Variants in TMEM132C observed in about 807,000 individuals in gnomAD.
TMEM132C encodes the protein protein phosphatase 1, regulatory subunit 152.
A neutral mutation model predicts 61.4 loss-of-function variants in TMEM132C; 29 were observed. The ratio of observed to expected loss-of-function variants is 0.47; its 90% confidence interval spans 0.35 to 0.64. TMEM132C has a LOEUF of 0.64. TMEM132C is among the 30% of genes least tolerant of loss of function. The pLI, the probability that TMEM132C is intolerant of heterozygous loss-of-function variation, is 0.00. For missense variants in TMEM132C, 1,408 were observed against 1,476.9 expected (o/e 0.95, Z 0.76); for synonymous variants, 656 against 633.1 (o/e 1.04, Z -0.54).
At chr12:128,559,327 T>G (rs113931689) in intron 3 of TMEM132C, among the ~76,000 whole-genome samples, 1,671 of 152,298 alleles carry the variant, frequency 0.011, 24 homozygotes, top group African/African-American at 0.033. Flanking sequence ...ATAGTGTAAA[T>G]TATATAAACC....
intron 2 of TMEM132C, among the ~76,000 whole-genome samples, chr12:128,498,738 A>G (rs1872056024): frequency 6.6e-6 from 1 of 152,300 alleles, no homozygotes; most frequent in South Asian, 2.1e-4. Flanking sequence ...TGCTCATCTG[A>G]AAATGAAATT....
chr12:128,439,974 T>C (rs568480519), intron 2 of TMEM132C, among the ~76,000 whole-genome samples: 1 of 152,346 alleles, frequency 6.6e-6, no homozygotes, highest in East Asian at 1.9e-4. Flanking sequence ...GGCTGCTTCA[T>C]AGGGTATGTT....
chr12:128,469,738 TTA>T (rs1388610501), intron 2 of TMEM132C, among the ~76,000 whole-genome samples: 3 of 151,634 alleles, frequency 2.0e-5, no homozygotes, highest in African/African-American at 7.3e-5. Flanking sequence ...ATATATGCAT[TTA>T]TGTGTGTGTA....
chr12:128,693,838 C>G lies in TMEM132C; in HGVS notation c.1459C>G (p.Arg487Gly), dbSNP rs1409919791. 3.2e-6 allele frequency: 5 copies of G among 1,551,618 alleles called. No individual in the cohort carries two copies. Among genetic ancestry groups the G allele is most frequent in the Non-Finnish European group, 4.4e-6 (5 of 1,147,002 alleles). ...TDEDVIKVSE[R>G]CDYIFVNGKE... is the part of the protein sequence containing the mutation. ...CCCTCTGTCTTTGCAGGTGTCTGAG[C>G]GCTGTGACTACATCTTTGTCAATGG... Residue 487 changes from arginine to glycine, a missense_variant, in exon 6 of 9, where the codon CGC becomes GGC. Coordinates refer to ENST00000435159, the MANE Select transcript of TMEM132C (RefSeq NM_001136103.3).
At chr12:128,361,275 A>T (rs1015566659) in intron 1 of TMEM132C, among the ~76,000 whole-genome samples, 1 of 152,192 alleles carries the variant, frequency 6.6e-6, no homozygotes, top group Non-Finnish European at 1.5e-5. Context: ...GGTGGATGCA[A>T]CTGAAATTCT....
chr12:128,475,197 C>T (rs531355560), intron 2 of TMEM132C, among the ~76,000 whole-genome samples: 26 of 152,238 alleles, frequency 1.7e-4, no homozygotes, highest in Admixed American at 9.2e-4. Context: ...GGTAAGACCC[C>T]GCCCCCAACT....
chr12:128,562,479 C>T (rs1456511825), intron 3 of TMEM132C, among the ~76,000 whole-genome samples: 1 of 152,176 alleles, frequency 6.6e-6, no homozygotes, highest in East Asian at 1.9e-4. Context: ...TTATTCCCTG[C>T]TTGTTCCATC....
At chr12:128,305,776 A>G (rs537462695) in intron 1 of TMEM132C, among the ~76,000 whole-genome samples, 3 of 152,160 alleles carry the variant, frequency 2.0e-5, no homozygotes, top group Admixed American at 6.5e-5. Flanking sequence ...ATGGAACACT[A>G]GCTTTATCTG....
intron 3 of TMEM132C, among the ~76,000 whole-genome samples, chr12:128,576,810 G>A (rs941275841): frequency 3.3e-5 from 5 of 152,218 alleles, no homozygotes; most frequent in African/African-American, 1.2e-4. Context: ...TGACGATGAT[G>A]ATGATGTTGG....
Position 128,604,986 on chromosome 12 carries a change from G to A in TMEM132C, c.1122-11166G>A, listed in dbSNP as rs1378386498. Among the ~76,000 whole-genome samples, 7 of 2,474 alleles carry A rather than the reference G, an allele frequency of 2.8e-3. No homozygotes were observed. In the East Asian group the frequency reaches 0.032, roughly 11 times the overall value. The allele number at this position is 2,474 out of a possible 152,430, so 1.6% of individuals were successfully genotyped here. ...ATAATAGATGGGTAGATGGATGGACGGATGGATAGATAAATGGACACATAG... is the reference window on the plus strand; with the variant it reads ...ATAATAGATGGGTAGATGGATGGACAGATGGATAGATAAATGGACACATAG... On this transcript the variant is annotated intron_variant, in intron 3 of 8. Transcript: ENST00000435159.
At chr12:128,542,225 A>T (rs1334025017) in intron 2 of TMEM132C, among the ~76,000 whole-genome samples, 1 of 151,328 alleles carries the variant, frequency 6.6e-6, no homozygotes, top group Admixed American at 6.6e-5. Flanking sequence ...TATCCACTGA[A>T]CTCCCAGTTT....
Position 128,670,712 on chromosome 12 carries a change from A to G in TMEM132C, c.1449+1152A>G, listed in dbSNP as rs146003501. ...TCAGTGGTGCTTTGGACTATGGGTCAAACTCTGAATGCCTACTGTAGCTAA... is the reference window on the plus strand; with the variant it reads ...TCAGTGGTGCTTTGGACTATGGGTCGAACTCTGAATGCCTACTGTAGCTAA... On this transcript the variant is annotated intron_variant, in intron 5 of 8. Transcript: ENST00000435159. 2.8e-3 allele frequency among the ~76,000 whole-genome samples: 423 copies of G among 152,338 alleles called. 3 individuals carry two copies. Among genetic ancestry groups the G allele is most frequent in the African/African-American group, 9.7e-3 (403 of 41,570 alleles).
chr12:128,469,227 G>T (rs1292625382), intron 2 of TMEM132C, among the ~76,000 whole-genome samples: 2 of 152,112 alleles, frequency 1.3e-5, no homozygotes, highest in South Asian at 2.1e-4. Context: ...AGCATTTAAA[G>T]CAGGGTTTCT....
At chr12:128,418,546 C>T (rs983508018) in intron 2 of TMEM132C, among the ~76,000 whole-genome samples, 7 of 152,116 alleles carry the variant, frequency 4.6e-5, no homozygotes, top group South Asian at 2.1e-4. Flanking sequence ...AACAAATTAA[C>T]GTTTTATGTT....
intron 2 of TMEM132C, among the ~76,000 whole-genome samples, chr12:128,463,114 A>G (rs778045973): frequency 6.6e-6 from 1 of 152,152 alleles, no homozygotes; most frequent in African/African-American, 2.4e-5. Flanking sequence ...CAGAAAAGCA[A>G]AAGCTAGCCT....
At chr12:128,560,987 C>T (rs1044166783) in intron 3 of TMEM132C, among the ~76,000 whole-genome samples, 7 of 152,190 alleles carry the variant, frequency 4.6e-5, no homozygotes, top group South Asian at 2.1e-4. Flanking sequence ...GAAAGAAGGG[C>T]GCCCTAGGAG....
chr12:128,607,547 G>C (rs768523730), intron 3 of TMEM132C, among the ~76,000 whole-genome samples: 1 of 152,286 alleles, frequency 6.6e-6, no homozygotes, highest in East Asian at 1.9e-4. Flanking sequence ...TGGTTGCTTG[G>C]GCTGGAGCAG....
chr12:128,575,745 T>G (rs1463083699), intron 3 of TMEM132C, among the ~76,000 whole-genome samples: 1 of 152,202 alleles, frequency 6.6e-6, no homozygotes, highest in Non-Finnish European at 1.5e-5. Flanking sequence ...TTAAAAGTTA[T>G]GGAATTGTAA....
chr12:128,430,674 C>T (rs926535962), intron 2 of TMEM132C, among the ~76,000 whole-genome samples: 16 of 152,138 alleles, frequency 1.1e-4, no homozygotes, highest in African/African-American at 1.4e-4. Flanking sequence ...TTCCTGTCTC[C>T]GTGTCACATT....
Sources: allele counts gnomAD v4.1 joint callset (sites outside exome capture counted in the v4.1 genomes callset), GRCh38; gene constraint gnomAD v4.1.1; transcripts MANE v1.5; gene names NCBI Gene and HGNC (gene_info 2026-07-23, HGNC 2026-07-21).